Variants in BNIP1 observed in about 807,000 individuals in gnomAD.
The protein encoded by BNIP1 is BCL2 interacting protein 1, also known as vesicle transport protein SEC20.
BNIP1 carries 25 observed loss-of-function variants against 28.5 expected under a neutral mutation model. That is an observed-to-expected ratio of 0.88 (90% CI 0.64 to 1.23). The LOEUF (loss-of-function observed/expected upper bound fraction) is 1.23, where lower values mean the gene tolerates loss of function less well. Among genes scored for constraint, BNIP1 ranks in the 50% most tolerant of loss-of-function variants. The pLI, the probability that BNIP1 is intolerant of heterozygous loss-of-function variation, is 0.00. For missense variants in BNIP1, 276 were observed against 277.0 expected (o/e 1.00, Z 0.02); for synonymous variants, 118 against 101.7 (o/e 1.16, Z -0.96).
intron 5 of BNIP1, among the ~76,000 whole-genome samples, chr5:173,162,722 C>T (rs1378434358): frequency 6.6e-6 from 1 of 152,106 alleles, no homozygotes; most frequent in African/African-American, 2.4e-5. Flanking sequence ...TGCACAGCAG[C>T]CTCGCATGTC....
At chr5:173,160,183 T>G in intron 5 of BNIP1, 132 bp downstream of exon 5, 1 of 736,664 alleles carries the variant, frequency 1.4e-6, no homozygotes, top group East Asian at 2.5e-5. Flanking sequence ...TTCTCCCTCA[T>G]GAGATGACTT....
At chr5:173,147,053 G>A (rs1759860242) in intron 2 of BNIP1, 95 bp downstream of exon 2, 4 of 944,262 alleles carry the variant, frequency 4.2e-6, no homozygotes, top group Non-Finnish European at 6.8e-6. Flanking sequence ...CAGCTGATGG[G>A]AGCAGTAAAC....
At chr5:173,156,170 A>T (rs1581077109) in intron 3 of BNIP1, among the ~76,000 whole-genome samples, 1 of 152,190 alleles carries the variant, frequency 6.6e-6, no homozygotes, top group Non-Finnish European at 1.5e-5. Flanking sequence ...ACTTTATGTT[A>T]TGATGGCTTT....
At chr5:173,151,420 C>A in intron 2 of BNIP1, 2 of 810,540 alleles carry the variant, frequency 2.5e-6, no homozygotes, top group Non-Finnish European at 3.7e-6. Context: ...CAGGGTTTTG[C>A]CATGTTGCTC....
Position 173,144,572 on chromosome 5 carries a change from C to T in BNIP1, c.27C>T (p.Val9=). 1 of 1,614,200 alleles carries T rather than the reference C, an allele frequency of 6.2e-7. No individual in the cohort carries two copies. Among genetic ancestry groups the T allele is most frequent in the Non-Finnish European group, 8.5e-7 (1 of 1,180,022 alleles). MAAPQDVH[V]RICNQEIVKF... The stretch of plus-strand genomic sequence containing the variant: ...TGGCGGCTCCCCAAGACGTCCACGT[C>T]CGGATCTGTAACCAAGAGATTGTCA... The change falls in exon 1 of 6, where the codon GTC becomes GTT. Residue 9 remains valine, a synonymous_variant. Coordinates refer to ENST00000351486, the MANE Select transcript of BNIP1 (RefSeq NM_001205.3).
chr5:173,152,289 G>A (rs1283047988), intron 2 of BNIP1, among the ~76,000 whole-genome samples: 2 of 152,022 alleles, frequency 1.3e-5, no homozygotes, highest in African/African-American at 4.8e-5. Context: ...TATGTGCCAG[G>A]CACAAGGAAT....
chr5:173,156,275 G>A (rs1760182940), intron 3 of BNIP1, among the ~76,000 whole-genome samples: 1 of 152,172 alleles, frequency 6.6e-6, no homozygotes, highest in Admixed American at 6.5e-5. Context: ...GACACACTCA[G>A]CTTAGCATGG....
chr5:173,148,172 T>C (rs1759920455), intron 2 of BNIP1, among the ~76,000 whole-genome samples: 1 of 135,680 alleles, frequency 7.4e-6, no homozygotes, highest in African/African-American at 2.8e-5. Context: ...CTATGTTGCT[T>C]GAGCTGGTCT....
intron 2 of BNIP1, among the ~76,000 whole-genome samples, chr5:173,148,939 T>G (rs141744216): frequency 5.1e-4 from 77 of 152,280 alleles, no homozygotes; most frequent in African/African-American, 1.8e-3. Flanking sequence ...GTTCTCCATT[T>G]TTATTCCTGA....
Position 173,163,956 on chromosome 5 carries a change from C to T in BNIP1, c.*35C>T, listed in dbSNP as rs2113865917. The T allele has an allele frequency of 2.6e-6, 4 of 1,551,976 alleles. No homozygotes were observed. The highest frequency in any genetic ancestry group is 3.5e-6 in the Non-Finnish European group (4 of 1,147,102). On this transcript the variant is annotated 3_prime_UTR_variant, in exon 6 of 6. Coordinates refer to ENST00000351486, the MANE Select transcript of BNIP1 (RefSeq NM_001205.3). ...GGTGCCAGTTCTGGCCCTTTCAGCT[C>T]CTGTTTCAGGATCTGTCCTGGTTCC...
chr5:173,163,405 G>T (rs978699655), intron 5 of BNIP1, among the ~76,000 whole-genome samples: 3 of 152,246 alleles, frequency 2.0e-5, no homozygotes, highest in African/African-American at 7.2e-5. Flanking sequence ...TTTGTGGCTG[G>T]TGGTTTCCCT....
At chr5:173,158,403 G>A (rs149834185) in intron 3 of BNIP1, among the ~76,000 whole-genome samples, 1 of 152,370 alleles carries the variant, frequency 6.6e-6, no homozygotes, top group Non-Finnish European at 1.5e-5. Flanking sequence ...GGCCTTGTGT[G>A]ACCAGCTGGG....
chr5:173,155,267 G>A (rs1395549749), intron 3 of BNIP1, among the ~76,000 whole-genome samples: 5 of 152,192 alleles, frequency 3.3e-5, no homozygotes, highest in African/African-American at 1.2e-4. Context: ...ATTGAATTGG[G>A]AGAGGTTTAA....
At chr5:173,161,645 GATTTAAAAGCCTACTAGGACCATAATTTT>G (rs1760364795) in intron 5 of BNIP1, 1 of 152,170 alleles carries the variant, frequency 6.6e-6, no homozygotes, top group South Asian at 2.1e-4. Context: ...AATTCAGCTT[GATTTAAAAGCCTACTAGGACCATAATTTT>G]AAAACAAAAA....
intron 1 of BNIP1, 53 bp from the exon 2 acceptor site, chr5:173,146,813 C>G (rs1759849629): frequency 1.5e-5 from 20 of 1,331,420 alleles, no homozygotes; most frequent in Non-Finnish European, 2.2e-5. Flanking sequence ...TGGATGGTGT[C>G]ATTTCATTTC....
chr5:173,160,967 G>A, intron 5 of BNIP1: 1 of 402,100 alleles, frequency 2.5e-6, no homozygotes, highest in Admixed American at 3.3e-5. Flanking sequence ...TAAGACAACA[G>A]AAAAAGGGCG....
chr5:173,154,407 T>C lies in BNIP1; in HGVS notation c.263T>C (p.Met88Thr). The change falls in exon 3 of 6, where the codon ATG becomes ACG. Residue 88 changes from methionine to threonine, a missense_variant. Coordinates refer to ENST00000351486, the MANE Select transcript of BNIP1 (RefSeq NM_001205.3). ...LQEVENHKKQ[M>T]LSNQASWRKA... ...GAAGTGGAGAATCACAAAAAGCAGA[T>C]GCTCAGGTAGGCAGGGCCTGCCCCC... 1 of 1,613,070 alleles carries C rather than the reference T, an allele frequency of 6.2e-7. No homozygotes were observed. The highest frequency in any genetic ancestry group is 8.5e-7 in the Non-Finnish European group (1 of 1,179,434).
chr5:173,153,122 A>G (rs973116835), intron 2 of BNIP1, among the ~76,000 whole-genome samples: 2 of 151,830 alleles, frequency 1.3e-5, no homozygotes, highest in East Asian at 3.9e-4. Flanking sequence ...CGCTCATCTT[A>G]GCAGACCTTA....
At chr5:173,152,413 G>A (rs1046111102) in intron 2 of BNIP1, among the ~76,000 whole-genome samples, 3 of 151,276 alleles carry the variant, frequency 2.0e-5, no homozygotes, top group Non-Finnish European at 4.4e-5. Context: ...GCAGTGGCAC[G>A]ATCTCGGCTC....
Sources: gnomAD v4.1 joint callset for allele counts (sites outside exome capture counted in the v4.1 genomes callset) on GRCh38, gnomAD v4.1.1 for gene constraint, MANE v1.5 for transcripts, NCBI Gene and HGNC (gene_info 2026-07-23, HGNC 2026-07-21) for gene names.